The following TRIOBP variants were observed in gnomAD, a reference collection of about 807,000 sequenced individuals.
The protein encoded by TRIOBP is TRIO and F-actin binding protein.
Under a neutral mutation model 238.8 loss-of-function variants are expected in TRIOBP, and 169 were observed. The ratio of observed to expected loss-of-function variants is 0.71; its 90% confidence interval spans 0.62 to 0.80. The LOEUF is 0.80. TRIOBP is among the 30% of genes least tolerant of loss of function. TRIOBP has a pLI of 0.00. For missense variants in TRIOBP, 2,838 were observed against 3,122.6 expected, an observed-to-expected ratio of 0.91 and a Z score of 2.17; for synonymous variants, 1,150 against 1,274.4, an observed-to-expected ratio of 0.90 and a Z score of 2.08.
intron 11 of TRIOBP, among the ~76,000 whole-genome samples, chr22:37,743,617 A>G (rs1925048613): frequency 6.6e-6 from 1 of 152,208 alleles, no homozygotes; most frequent in Non-Finnish European, 1.5e-5. Context: ...GGACACTGAC[A>G]TGTAACTGAT....
intron 7 of TRIOBP, among the ~76,000 whole-genome samples, chr22:37,729,248 G>T (rs576250914): frequency 6.7e-6 from 1 of 150,214 alleles, no homozygotes; most frequent in African/African-American, 2.4e-5. Context: ...ACAGGGTCTT[G>T]CTTTGTCACC....
chr22:37,737,800 T>C (rs1924746199), intron 9 of TRIOBP, among the ~76,000 whole-genome samples: 1 of 152,214 alleles, frequency 6.6e-6, no homozygotes, highest in Admixed American at 6.5e-5. Context: ...TGCTCTTCCC[T>C]GTTCAGCCAC....
intron 4 of TRIOBP, among the ~76,000 whole-genome samples, chr22:37,711,101 T>C (rs1292189158): frequency 6.6e-6 from 1 of 152,172 alleles, no homozygotes; most frequent in Non-Finnish European, 1.5e-5. Flanking sequence ...GAGGCCATGG[T>C]CTGAGAGTCT....
chr22:37,702,896 A>G (rs1385370973), intron 3 of TRIOBP, among the ~76,000 whole-genome samples: 1 of 151,642 alleles, frequency 6.6e-6, no homozygotes, highest in East Asian at 1.9e-4. Context: ...TCCCACCTCA[A>G]CCTCTGTAAC....
chr22:37,713,530 C>A (rs1923365408), intron 5 of TRIOBP, 119 bp downstream of exon 5: 6 of 1,298,822 alleles, frequency 4.6e-6, no homozygotes, highest in Non-Finnish European at 6.6e-6. Context: ...CCGACGAGGT[C>A]CTCTGGACCA....
chr22:37,709,838 G>C (rs1170260453), intron 3 of TRIOBP, among the ~76,000 whole-genome samples: 1 of 152,142 alleles, frequency 6.6e-6, no homozygotes, highest in African/African-American at 2.4e-5. Flanking sequence ...TCCAGCCCTG[G>C]ATCCCCTGCC....
intron 6 of TRIOBP, among the ~76,000 whole-genome samples, chr22:37,721,869 C>A (rs559744507): frequency 6.6e-6 from 1 of 152,160 alleles, no homozygotes; most frequent in Non-Finnish European, 1.5e-5. Context: ...GTGCTCAACA[C>A]CTGCTTGGTG....
Position 37,755,183 on chromosome 22 carries a change from A to G in TRIOBP, c.5570A>G (p.Gln1857Arg). The stretch of plus-strand genomic sequence containing the variant: ...GCGGTGCAGCGCAACTATGGCTTCC[A>G]GATCCACGTGAGGCTGTGTGCAGCT... ...EYAVQRNYGF[Q>R]IHTKDAVYTL... Residue 1857 changes from glutamine to arginine, a missense_variant, in exon 14 of 24, where the codon CAG (glutamine) becomes CGG (arginine). Coordinates refer to ENST00000644935, the MANE Select transcript of TRIOBP (RefSeq NM_001039141.3). 6.2e-7 allele frequency: 1 copy of G among 1,611,902 alleles called. No homozygotes were observed. Among genetic ancestry groups the G allele is most frequent in the Non-Finnish European group, 8.5e-7 (1 of 1,179,004 alleles).
At chr22:37,714,075 A>G (rs1383497336) in intron 5 of TRIOBP, among the ~76,000 whole-genome samples, 1 of 152,184 alleles carries the variant, frequency 6.6e-6, no homozygotes, top group Non-Finnish European at 1.5e-5. Flanking sequence ...GAGACTCACC[A>G]CAGCCTCAGA....
chr22:37,772,803 G>T, intron 23 of TRIOBP, 39 bp downstream of exon 23: 1 of 1,601,720 alleles, frequency 6.2e-7, no homozygotes, highest in South Asian at 1.1e-5. Context: ...GTGGGCAGGG[G>T]CTGAGGCTCT....
rs1177529923 is a variant in TRIOBP at position 37,758,151 on chromosome 22, G to A, written c.6213+13G>A. On this transcript the variant is annotated intron_variant, in intron 16 of 23. Coordinates refer to ENST00000644935, the MANE Select transcript of TRIOBP (RefSeq NM_001039141.3). ...ACTGGAGAAGGAGGTAGGCACCACG[G>A]CTGGCTCTCTAGGAGGCCCCTTGCC... The A allele has an allele frequency of 6.2e-7, 1 of 1,610,316 alleles. No homozygotes were observed. Among genetic ancestry groups the A allele is most frequent in the Non-Finnish European group, 8.5e-7 (1 of 1,179,822 alleles).
chr22:37,744,828 A>ATTTC (rs1877753901), intron 11 of TRIOBP, among the ~76,000 whole-genome samples: 1 of 152,046 alleles, frequency 6.6e-6, no homozygotes, highest in Admixed American at 6.6e-5. Context: ...CTGGGCCTCC[A>ATTTC]TTTCTTTATC....
At chr22:37,704,102 A>G (rs772054540) in intron 3 of TRIOBP, among the ~76,000 whole-genome samples, 1 of 152,186 alleles carries the variant, frequency 6.6e-6, no homozygotes, top group Non-Finnish European at 1.5e-5. Context: ...TAAATCAGAA[A>G]GGCACAGCCA....
intron 12 of TRIOBP, among the ~76,000 whole-genome samples, 188 bp from the exon 13 acceptor site, chr22:37,754,689 C>T (rs1279195786): frequency 6.6e-6 from 1 of 152,112 alleles, no homozygotes; most frequent in Non-Finnish European, 1.5e-5. Context: ...GGTGTGGTTA[C>T]GGAGGGGAAA....
chr22:37,757,603 G>A lies in TRIOBP; in HGVS notation c.5688-10G>A. ...AGGACCCACCTGACGTGGCTCTGCT[G>A]GTGCCCTAGGCTCTCGGACTCTAAC... On this transcript the variant is annotated splice_polypyrimidine_tract_variant and intron_variant, in intron 15 of 23. Coordinates refer to ENST00000644935, the MANE Select transcript of TRIOBP (RefSeq NM_001039141.3). 1.9e-6 allele frequency: 3 copies of A among 1,572,656 alleles called. No individual in the cohort carries two copies. Among genetic ancestry groups the A allele is most frequent in the Non-Finnish European group, 2.6e-6 (3 of 1,162,956 alleles).
intron 3 of TRIOBP, among the ~76,000 whole-genome samples, chr22:37,709,389 G>C (rs1266030822): frequency 6.6e-6 from 1 of 152,246 alleles, no homozygotes; most frequent in Non-Finnish European, 1.5e-5. Context: ...CTGGGGCCCG[G>C]CTTATGAAAC....
In TRIOBP at chr22:37,706,456, C is replaced by T. The variant is rs142342263; in HGVS notation, c.115-3971C>T. ...GCCAGAGGCTAGGAGGCAAACCCCA[C>T]AGTGTGCCCCTCCTCCCCAGGAGCC... On this transcript the variant is annotated intron_variant, in intron 3 of 23. Transcript: ENST00000644935. Among the ~76,000 whole-genome samples the T allele has an allele frequency of 3.8e-3, 571 of 152,238 alleles. 16 individuals are homozygous for T. The highest frequency in any genetic ancestry group is 7.4e-4 in the Non-Finnish European group (50 of 68,018).
chr22:37,704,381 TCAGAA>T (rs71195040), intron 3 of TRIOBP, among the ~76,000 whole-genome samples: 4,958 of 137,600 alleles, frequency 0.036, 254 homozygotes, highest in African/African-American at 0.11. Context: ...GGACCCTGAC[TCAGAA>T]CAGAACAGAA....
chr22:37,765,110 A>G (rs554115132), intron 17 of TRIOBP, among the ~76,000 whole-genome samples: 9 of 152,222 alleles, frequency 5.9e-5, no homozygotes, highest in African/African-American at 2.2e-4. Context: ...GTGAAACCCC[A>G]TCTCTACTAA....
Sources: gnomAD v4.1 joint callset for allele counts (sites outside exome capture counted in the v4.1 genomes callset) on GRCh38, gnomAD v4.1.1 for gene constraint, MANE v1.5 for transcripts, NCBI Gene and HGNC (gene_info 2026-07-23, HGNC 2026-07-21) for gene names.